Variants in PRPSAP2 observed in about 807,000 individuals in gnomAD.
PRPSAP2 encodes phosphoribosyl pyrophosphate synthase-associated protein 2.
Under a neutral mutation model 40.6 loss-of-function variants are expected in PRPSAP2, and 24 were observed. The observed-to-expected ratio is 0.59, with a 90% CI of 0.43 to 0.83. PRPSAP2 has a LOEUF of 0.83. Among genes scored for constraint, PRPSAP2 ranks in the 40% least tolerant of loss-of-function variants. The pLI is 0.00. For synonymous variants in PRPSAP2, 149 were observed against 164.7 expected, an observed-to-expected ratio of 0.90 and a Z score of 0.73; for missense variants, 292 against 465.6, an observed-to-expected ratio of 0.63 and a Z score of 3.43.
intron 10 of PRPSAP2, among the ~76,000 whole-genome samples, chr17:18,926,449 T>A (rs897227105): frequency 9.9e-5 from 15 of 151,872 alleles, no homozygotes; most frequent in Non-Finnish European, 2.9e-5. Context: ...GTATTTTTTT[T>A]GTAGAGACGG....
At chr17:18,894,394 G>A (rs1210471296) in intron 8 of PRPSAP2, among the ~76,000 whole-genome samples, 1 of 151,590 alleles carries the variant, frequency 6.6e-6, no homozygotes, top group African/African-American at 2.4e-5. Context: ...CCAGACCTCA[G>A]GTGATCTGCC....
chr17:18,859,412 C>G (rs1028373031), intron 1 of PRPSAP2: 1 of 152,216 alleles, frequency 6.6e-6, no homozygotes. Flanking sequence ...TTGCATAGGA[C>G]TAACTACTAC....
intron 4 of PRPSAP2, among the ~76,000 whole-genome samples, chr17:18,869,665 A>G (rs889688602): frequency 1.4e-5 from 2 of 144,540 alleles, no homozygotes; most frequent in East Asian, 4.0e-4. Context: ...ACACACACAC[A>G]CCCAGCCATA....
intron 7 of PRPSAP2, among the ~76,000 whole-genome samples, chr17:18,888,053 C>T (rs1432789219): frequency 1.9e-5 from 1 of 52,430 alleles, no homozygotes; most frequent in African/African-American, 8.3e-5. Context: ...TGACTCTTAA[C>T]GAGCATGCTG....
intron 1 of PRPSAP2, among the ~76,000 whole-genome samples, chr17:18,858,849 T>A (rs996202896): frequency 4.7e-5 from 5 of 105,780 alleles, no homozygotes; most frequent in Admixed American, 3.7e-4. Flanking sequence ...AATGGGGCTT[T>A]GGGGCTTGAG....
chr17:18,882,514 A>G (rs887048927), intron 6 of PRPSAP2, 54 bp from the exon 7 acceptor site: 70 of 1,257,812 alleles, frequency 5.6e-5, no homozygotes, highest in Non-Finnish European at 7.5e-5. Context: ...CCATCTTAAA[A>G]AAAAAAAACA....
intron 8 of PRPSAP2, among the ~76,000 whole-genome samples, chr17:18,893,511 T>C (rs1294284244): frequency 6.6e-6 from 1 of 151,874 alleles, no homozygotes; most frequent in Non-Finnish European, 1.5e-5. Context: ...TCTCAGCACT[T>C]CGGGAGGCTG....
intron 9 of PRPSAP2, chr17:18,917,577 TATTA>T (rs1163001879): frequency 6.0e-4 from 44 of 73,556 alleles, no homozygotes; most frequent in Admixed American, 8.5e-4. Context: ...TTATTATTAT[TATTA>T]TTATTTTTTT....
chr17:18,896,725 A>G (rs148878733), intron 8 of PRPSAP2, among the ~76,000 whole-genome samples: 1 of 150,674 alleles, frequency 6.6e-6, no homozygotes, highest in East Asian at 2.0e-4. Context: ...TCTAAGTTTG[A>G]TCATATTCTC....
intron 6 of PRPSAP2, 45 bp from the exon 7 acceptor site, chr17:18,882,518 AAAAAC>A (rs747732719): frequency 1.8e-5 from 23 of 1,295,450 alleles, no homozygotes; most frequent in East Asian, 2.3e-5. Context: ...CTTAAAAAAA[AAAAAC>A]AAAAACAAAA....
chr17:18,872,166 G>T (rs570512253), intron 4 of PRPSAP2, among the ~76,000 whole-genome samples: 1 of 152,028 alleles, frequency 6.6e-6, no homozygotes, highest in South Asian at 2.1e-4. Flanking sequence ...CCAGCCACTC[G>T]GGAGGCTGAG....
chr17:18,925,965 C>T (rs1470058343), intron 10 of PRPSAP2, among the ~76,000 whole-genome samples: 7 of 151,886 alleles, frequency 4.6e-5, no homozygotes, highest in African/African-American at 7.3e-5. Flanking sequence ...ATTAGCCGGG[C>T]GTAGTGGTGG....
At chr17:18,876,187 C>T (rs1360136534) in intron 5 of PRPSAP2, among the ~76,000 whole-genome samples, 2 of 152,120 alleles carry the variant, frequency 1.3e-5, no homozygotes, top group Non-Finnish European at 2.9e-5. Context: ...TCTTATACTT[C>T]ATTTTACTAC....
chr17:18,918,089 G>A (rs185813038), intron 9 of PRPSAP2, among the ~76,000 whole-genome samples: 4 of 152,200 alleles, frequency 2.6e-5, no homozygotes, highest in Admixed American at 1.3e-4. Context: ...AAAAACCAGA[G>A]AAGGAACTAG....
chr17:18,909,896 A>AAAAG (rs532595525), intron 8 of PRPSAP2, among the ~76,000 whole-genome samples: 1 of 152,176 alleles, frequency 6.6e-6, no homozygotes, highest in South Asian at 2.1e-4. Flanking sequence ...TCTCAAAAGA[A>AAAAG]AAAGAAAGAA....
At chr17:18,928,740 T>G in intron 10 of PRPSAP2, 71 bp from the exon 11 acceptor site, 1 of 1,592,080 alleles carries the variant, frequency 6.3e-7, no homozygotes, top group Non-Finnish European at 8.6e-7. Flanking sequence ...AGACCCTTTT[T>G]TTTTCCTGGT....
chr17:18,916,004 G>A (rs1194525985), intron 9 of PRPSAP2, among the ~76,000 whole-genome samples: 4 of 152,044 alleles, frequency 2.6e-5, no homozygotes, highest in African/African-American at 9.7e-5. Flanking sequence ...TATTTTAGTA[G>A]AGATGGGGTT....
chr17:18,924,331 C>T (rs570222977), intron 10 of PRPSAP2, among the ~76,000 whole-genome samples: 1 of 152,252 alleles, frequency 6.6e-6, no homozygotes, highest in East Asian at 1.9e-4. Context: ...TGAGCCACTG[C>T]ACCTGGCCAA....
At chr17:18,908,845 G>C (rs2040770116) in intron 8 of PRPSAP2, 3 of 679,994 alleles carry the variant, frequency 4.4e-6, no homozygotes, top group Non-Finnish European at 8.1e-6. Context: ...AACCAAGGAG[G>C]ATGCTGAGGA....
Sources: gnomAD v4.1 joint callset for allele counts (sites outside exome capture counted in the v4.1 genomes callset) on GRCh38, gnomAD v4.1.1 for gene constraint, MANE v1.5 for transcripts, NCBI Gene and HGNC (gene_info 2026-07-23, HGNC 2026-07-21) for gene names.